Variants in NAA35 observed in about 807,000 individuals in gnomAD.
NAA35 encodes N-alpha-acetyltransferase 35, NatC auxiliary subunit.
Under a neutral mutation model 101.7 loss-of-function variants are expected in NAA35, and 18 were observed. That is an observed-to-expected ratio of 0.18 (90% confidence interval 0.12 to 0.26). The LOEUF (loss-of-function observed/expected upper bound fraction) is 0.26, where lower values mean the gene tolerates loss of function less well. NAA35 is among the 10% of genes least tolerant of loss of function. The pLI is 1.00. For synonymous variants in NAA35, 267 were observed against 273.1 expected (o/e 0.98, Z 0.22); for missense variants, 601 against 886.8 (o/e 0.68, Z 4.09).
chr9:85,989,185 G>T (rs1830786021), intron 11 of NAA35, among the ~76,000 whole-genome samples: 1 of 152,198 alleles, frequency 6.6e-6, no homozygotes, highest in South Asian at 2.1e-4. Context: ...GTAAAGAACT[G>T]TGACCTGCTG....
intron 13 of NAA35, among the ~76,000 whole-genome samples, chr9:86,006,700 T>C (rs1404384577): frequency 6.6e-6 from 1 of 152,170 alleles, no homozygotes; most frequent in African/African-American, 2.4e-5. Context: ...GTGATACAGG[T>C]GATACAGTTT....
At chr9:85,984,448 C>A (rs907892458) in intron 11 of NAA35, among the ~76,000 whole-genome samples, 6 of 152,148 alleles carry the variant, frequency 3.9e-5, no homozygotes. Flanking sequence ...TGAAAATTGA[C>A]TTGTGTTGAG....
Position 86,023,963 on chromosome 9 carries a change from C to CAAAT in NAA35, c.*2004_*2007dup, listed in dbSNP as rs2118559766. 6.6e-6 allele frequency among the ~76,000 whole-genome samples: 1 copy of CAAAT among 152,314 alleles called. No individual in the cohort carries two copies. Among genetic ancestry groups the CAAAT allele is most frequent in the South Asian group, 2.1e-4 (1 of 4,824 alleles). On this transcript the variant is annotated 3_prime_UTR_variant, in exon 23 of 23. Transcript: ENST00000361671. Reference sequence around the variant, plus strand: ...CCCCCAGAGTAGCTGGGATTATAGGCAAATGCCTGCTTGGCTAGTTTTTGT... The same window carrying CAAAT: ...CCCCCAGAGTAGCTGGGATTATAGGCAAATAAATGCCTGCTTGGCTAGTTTTTGT...
At chr9:85,970,040 C>T (rs1369430887) in intron 6 of NAA35, among the ~76,000 whole-genome samples, 4 of 152,150 alleles carry the variant, frequency 2.6e-5, no homozygotes, top group African/African-American at 4.8e-5. Context: ...CAGATTTTGA[C>T]GTAGTCATCA....
intron 1 of NAA35, 80 bp from the exon 2 acceptor site, chr9:85,942,075 C>G: frequency 6.5e-7 from 1 of 1,549,068 alleles, no homozygotes; most frequent in Non-Finnish European, 8.7e-7. Flanking sequence ...TCATCCTATG[C>G]TGAAACAAAC....
chr9:85,944,457 G>A (rs1828668755), intron 2 of NAA35, among the ~76,000 whole-genome samples: 2 of 152,208 alleles, frequency 1.3e-5, no homozygotes, highest in Admixed American at 6.5e-5. Context: ...GGGCGTTAAG[G>A]CCTTGGACTA....
At chr9:85,967,499 A>G (rs745839827) in intron 6 of NAA35, among the ~76,000 whole-genome samples, 4 of 152,072 alleles carry the variant, frequency 2.6e-5, no homozygotes, top group African/African-American at 4.8e-5. Flanking sequence ...AGTCCTCAAG[A>G]GACCTAGTGA....
chr9:86,021,274 T>G (rs1186847071), intron 22 of NAA35, among the ~76,000 whole-genome samples: 2 of 152,192 alleles, frequency 1.3e-5, no homozygotes, highest in African/African-American at 2.4e-5. Flanking sequence ...TATGAGGTAT[T>G]TAAAAGTCAT....
At chr9:85,952,309 G>T in intron 2 of NAA35, among the ~76,000 whole-genome samples, 2 of 147,836 alleles carry the variant, frequency 1.4e-5, no homozygotes, top group African/African-American at 2.5e-5. Context: ...TTTTGAGACG[G>T]TGTTTCGCTC....
Position 86,016,625 on chromosome 9 carries a change from A to G in NAA35, c.1655A>G (p.Glu552Gly). 2 of 1,614,068 alleles carry G rather than the reference A, an allele frequency of 1.2e-6. No individual in the cohort carries two copies. The highest frequency in any genetic ancestry group is 1.7e-6 in the Non-Finnish European group (2 of 1,179,998). ...GSQMAEERIM[E>G]EQQKGRSSKK... ...CAAATGGCAGAGGAAAGGATAATGG[A>G]AGAGCAGCAGAAAGGCCGTAGTAGT... The change falls in exon 18 of 23, where the codon GAA (glutamate) becomes GGA (glycine). Residue 552 changes from glutamate to glycine, a missense_variant. Glu to Gly is a moderately conservative substitution (Grantham distance 98). Transcript: ENST00000361671.
Position 85,942,172 on chromosome 9 carries a change from G to C in NAA35, c.13G>C (p.Ala5Pro), listed in dbSNP as rs770582929. ...TTTTACAGGCATAATGGTTATGAAA[G>C]CTTCTGTAGATGATGACGATTCAGG... MVMK[A>P]SVDDDDSGWE... The change falls in exon 2 of 23, where the codon GCT becomes CCT. Residue 5 changes from alanine (A) to proline (P), a missense_variant. Around this residue, in one of 8 missense-constraint regions of NAA35, gnomAD observed 67 missense variants for 62.4 expected, o/e 1.07. Coordinates refer to ENST00000361671, the MANE Select transcript of NAA35 (RefSeq NM_024635.4). 1.2e-6 allele frequency: 2 copies of C among 1,613,918 alleles called. 1 individual carries two copies. Among genetic ancestry groups the C allele is most frequent in the South Asian group, 2.2e-5 (2 of 91,034 alleles).
chr9:85,994,916 G>T (rs1831088212), intron 11 of NAA35, among the ~76,000 whole-genome samples: 1 of 152,136 alleles, frequency 6.6e-6, no homozygotes, highest in African/African-American at 2.4e-5. Context: ...AGAAACGTTT[G>T]AAGTGACAGA....
chr9:85,996,548 G>T lies in NAA35; in HGVS notation c.1027G>T (p.Val343Leu), dbSNP rs751374102. ...IDRIKTVCEVVNLTNLHCILD... is the reference protein window; with the variant it reads ...IDRIKTVCEVLNLTNLHCILD... ...TAGAATAAAAACTGTCTGTGAGGTT[G>T]TGAATTTAACAAATTTACATTGTAT... Residue 343 changes from valine to leucine, a missense_variant, in exon 12 of 23, where the codon GTG (valine) becomes TTG (leucine). Physicochemically the swap from Val to Leu is conservative, Grantham distance 32. Coordinates refer to ENST00000361671, the MANE Select transcript of NAA35 (RefSeq NM_024635.4). 6.1e-5 allele frequency: 96 copies of T among 1,584,714 alleles called. No individual in the cohort carries two copies. In the East Asian group the frequency reaches 1.6e-3, roughly 26 times the overall value.
chr9:86,004,477 CA>C (rs149227840), intron 13 of NAA35, among the ~76,000 whole-genome samples: 57 of 138,036 alleles, frequency 4.1e-4, no homozygotes, highest in Non-Finnish European at 4.1e-4. Flanking sequence ...GAGACCCTGT[CA>C]AAAAAAAAAA....
At chr9:85,950,701 T>G (rs1828980821) in intron 2 of NAA35, among the ~76,000 whole-genome samples, 1 of 152,216 alleles carries the variant, frequency 6.6e-6, no homozygotes, top group African/African-American at 2.4e-5. Context: ...CCTAAATACA[T>G]GATAGATTAT....
rs562002523 is a variant in NAA35 at position 85,996,394 on chromosome 9, T to C, written c.878-5T>C. The C allele has an allele frequency of 5.8e-6, 9 of 1,560,870 alleles. No homozygotes were observed. The South Asian group carries it at 1.1e-4, about 19-fold the overall frequency. Reference sequence around the variant, plus strand: ...AAAATTTTACTTTCATTTTTTTCTTTTTAGATCATCCAATTATGATGGGTT... The same window carrying C: ...AAAATTTTACTTTCATTTTTTTCTTCTTAGATCATCCAATTATGATGGGTT... On this transcript the variant is annotated splice_polypyrimidine_tract_variant and splice_region_variant and intron_variant, in intron 11 of 22. Transcript: ENST00000361671.
chr9:86,017,683 T>A (rs1832296405), intron 19 of NAA35, 118 bp downstream of exon 19: 1 of 839,496 alleles, frequency 1.2e-6, no homozygotes, highest in Non-Finnish European at 1.8e-6. Context: ...TTTTACTTCC[T>A]GTCTGCTTGA....
intron 11 of NAA35, among the ~76,000 whole-genome samples, chr9:85,990,761 G>A (rs1211972387): frequency 6.6e-6 from 1 of 152,240 alleles, no homozygotes; most frequent in Non-Finnish European, 1.5e-5. Flanking sequence ...TAGGGATGAT[G>A]ATGGTGTCCA....
intron 11 of NAA35, among the ~76,000 whole-genome samples, chr9:85,985,747 A>G (rs1830621632): frequency 6.6e-6 from 1 of 152,236 alleles, no homozygotes; most frequent in Admixed American, 6.5e-5. Context: ...TGGTATGTTA[A>G]TTATATCTCA....
Sources: allele counts gnomAD v4.1 joint callset (sites outside exome capture counted in the v4.1 genomes callset), GRCh38; gene constraint gnomAD v4.1.1; regional missense constraint gnomAD v4.1.1; transcripts MANE v1.5; gene names NCBI Gene and HGNC (gene_info 2026-07-23, HGNC 2026-07-21).